The following C2orf66 variants were observed in gnomAD, a reference collection of about 807,000 sequenced individuals.
C2orf66 encodes uncharacterized protein C2orf66.
C2orf66 carries 6 observed loss-of-function variants against 7.0 expected under a neutral mutation model. That is an observed-to-expected ratio of 0.86 (90% CI 0.47 to 1.69). C2orf66 has a LOEUF of 1.69. Ranked by LOEUF, C2orf66 falls within the 40% of genes most tolerant of loss-of-function variation. The probability of loss-of-function intolerance (pLI) is 0.01; values close to 1 mark genes in which losing one functional copy is unlikely to be tolerated. For synonymous variants in C2orf66, 38 were observed against 43.8 expected, an observed-to-expected ratio of 0.87 and a Z score of 0.52; for missense variants, 107 against 112.0, an observed-to-expected ratio of 0.96 and a Z score of 0.20.
At chr2:196,822,565 T>G in the C2orf66 span, among the ~76,000 whole-genome samples, 1 of 152,202 alleles carries the variant, frequency 6.6e-6, no homozygotes, top group East Asian at 1.9e-4. Flanking sequence ...TCTCTATTCT[T>G]TCATTTTCCC....
At chr2:196,830,055 A>G in the C2orf66 span, among the ~76,000 whole-genome samples, 1 of 152,142 alleles carries the variant, frequency 6.6e-6, no homozygotes, top group East Asian at 1.9e-4. Flanking sequence ...ATCCTCCCCC[A>G]TTTTACTCCT....
chr2:196,809,397 T>G (rs749375945), upstream of C2orf66: 11 of 1,601,582 alleles, frequency 6.9e-6, no homozygotes, highest in Middle Eastern at 1.7e-4. Flanking sequence ...TTGAGAGAGA[T>G]AGTCAGGGAA....
intron 2 of C2orf66, among the ~76,000 whole-genome samples, chr2:196,806,534 T>G (rs1699822305): frequency 6.6e-6 from 1 of 151,428 alleles, no homozygotes; most frequent in Non-Finnish European, 1.5e-5. Flanking sequence ...GGTGTTGGTT[T>G]GATAGGAATG....
chr2:196,814,542 G>T, the C2orf66 span, among the ~76,000 whole-genome samples: 2 of 151,914 alleles, frequency 1.3e-5, no homozygotes, highest in Non-Finnish European at 2.9e-5. Flanking sequence ...TGCATGTTCT[G>T]CACATGTACC....
At chr2:196,814,506 G>A in the C2orf66 span, among the ~76,000 whole-genome samples, 1 of 152,038 alleles carries the variant, frequency 6.6e-6, no homozygotes, top group Non-Finnish European at 1.5e-5. Context: ...AACCAACATG[G>A]CATGCGTATA....
chr2:196,815,726 G>C, the C2orf66 span, among the ~76,000 whole-genome samples: 1 of 152,116 alleles, frequency 6.6e-6, no homozygotes, highest in Non-Finnish European at 1.5e-5. Flanking sequence ...GCTAATTGTG[G>C]GGAAATCATG....
chr2:196,819,968 A>G, the C2orf66 span, among the ~76,000 whole-genome samples: 5 of 152,204 alleles, frequency 3.3e-5, no homozygotes, highest in South Asian at 2.1e-4. Flanking sequence ...ACACAAACCA[A>G]TAGAGACTGG....
At chr2:196,830,330 C>T in the C2orf66 span, among the ~76,000 whole-genome samples, 1 of 152,194 alleles carries the variant, frequency 6.6e-6, no homozygotes, top group Non-Finnish European at 1.5e-5. Context: ...AAATCATTCT[C>T]ATTCCTACTA....
At position 196,804,616 on chromosome 2, in the gene C2orf66, G is replaced by A. The variant is rs1380413133; in HGVS notation, c.*812C>T. Among the ~76,000 whole-genome samples the A allele has an allele frequency of 1.3e-5, 2 of 152,218 alleles. No homozygotes were observed. Among genetic ancestry groups the A allele is most frequent in the African/African-American group, 4.8e-5 (2 of 41,464 alleles). On this transcript the variant is annotated 3_prime_UTR_variant, in exon 3 of 3. Transcript: ENST00000342506. ...GGAAAAGCAGCTATTCCAAATGTGA[G>A]TATGGGAATCAGAATAACTCAGCAT...
the C2orf66 span, among the ~76,000 whole-genome samples, chr2:196,817,978 G>T: frequency 6.6e-6 from 1 of 152,162 alleles, no homozygotes; most frequent in Non-Finnish European, 1.5e-5. Flanking sequence ...ATGTTTTACA[G>T]TCAATTTGTA....
rs1345791298 is a variant in C2orf66 at position 196,805,043 on chromosome 2, C to A, written c.*385G>T. On this transcript the variant is annotated 3_prime_UTR_variant, in exon 3 of 3. Transcript: ENST00000342506. ...TTACTATACTAAAAGTGAGCATGTC[C>A]CTTTAAAAAAATATATTGGTCGATA... 6.6e-6 allele frequency: 1 copy of A among 151,828 alleles called. No homozygotes were observed. Among genetic ancestry groups the A allele is most frequent in the Non-Finnish European group, 1.5e-5 (1 of 67,962 alleles). The allele number at this position is 151,828 out of a possible 1,614,324, so 9.4% of individuals were successfully genotyped here.
At chr2:196,809,358 A>G, upstream of C2orf66, 3 of 1,613,086 alleles carry the variant, frequency 1.9e-6, no homozygotes, top group East Asian at 6.7e-5. Flanking sequence ...GCTGAGTGAA[A>G]GAGGGGATGC....
At chr2:196,808,655 T>C (rs187885271) in intron 1 of C2orf66, among the ~76,000 whole-genome samples, 4 of 152,358 alleles carry the variant, frequency 2.6e-5, no homozygotes, top group East Asian at 1.9e-4. Context: ...TATTTCAAAA[T>C]AGTCATGTCA....
chr2:196,825,487 C>T, the C2orf66 span, among the ~76,000 whole-genome samples: 148 of 152,256 alleles, frequency 9.7e-4, no homozygotes, highest in Admixed American at 5.7e-3. Flanking sequence ...CTTGCATATG[C>T]TAATTAGCTT....
At chr2:196,824,815 A>C in the C2orf66 span, among the ~76,000 whole-genome samples, 1 of 152,232 alleles carries the variant, frequency 6.6e-6, no homozygotes, top group African/African-American at 2.4e-5. Flanking sequence ...AACAATCAAC[A>C]AAGTGAAGAG....
intron 1 of C2orf66, among the ~76,000 whole-genome samples, chr2:196,808,856 C>G (rs1699843399): frequency 6.6e-6 from 1 of 152,146 alleles, no homozygotes; most frequent in Admixed American, 6.5e-5. Flanking sequence ...TCAGTTCAAT[C>G]TAAGCTATGC....
chr2:196,812,522 C>G (rs1026501674), upstream of C2orf66, among the ~76,000 whole-genome samples: 2 of 152,134 alleles, frequency 1.3e-5, no homozygotes, highest in Non-Finnish European at 2.9e-5. Context: ...AAAACTGGCA[C>G]AAGACAAGGA....
At chr2:196,828,200 C>G in the C2orf66 span, among the ~76,000 whole-genome samples, 2 of 147,364 alleles carry the variant, frequency 1.4e-5, no homozygotes, top group Admixed American at 1.4e-4. Context: ...CATTTCTAGA[C>G]GAATCAAAAT....
chr2:196,818,065 AAAGT>A, the C2orf66 span, among the ~76,000 whole-genome samples: 3 of 152,250 alleles, frequency 2.0e-5, no homozygotes, highest in South Asian at 2.1e-4. Context: ...TTAAGAGATT[AAAGT>A]AAGACAGGTG....
Sources: allele counts gnomAD v4.1 joint callset (sites outside exome capture counted in the v4.1 genomes callset), GRCh38; gene constraint gnomAD v4.1.1; transcripts MANE v1.5; gene names NCBI Gene and HGNC (gene_info 2026-07-23, HGNC 2026-07-21).